HEMK2: variants seen among roughly 807,000 people sequenced by gnomAD.
HEMK2 encodes methyltransferase HEMK2.
At chr21:28,831,525 AGG>A in the HEMK2 span, among the ~76,000 whole-genome samples, 41 of 55,390 alleles carry the variant, frequency 7.4e-4, 1 homozygote, top group East Asian at 2.1e-3. Context: ...GAAAGAAAGA[AGG>A]AAAGAAGGAA....
the HEMK2 span, among the ~76,000 whole-genome samples, chr21:28,671,536 G>A: frequency 6.6e-6 from 1 of 152,180 alleles, no homozygotes; most frequent in Non-Finnish European, 1.5e-5. Flanking sequence ...TCTGGGACTA[G>A]AAGAAGTGAT....
the HEMK2 span, among the ~76,000 whole-genome samples, chr21:28,824,417 G>A: frequency 6.6e-6 from 1 of 152,170 alleles, no homozygotes; most frequent in African/African-American, 2.4e-5. Context: ...GTGTGTATGA[G>A]TTTGTTATTG....
At chr21:28,877,367 AGAAGG>A in the HEMK2 span, among the ~76,000 whole-genome samples, 1 of 146,748 alleles carries the variant, frequency 6.8e-6, no homozygotes, top group East Asian at 2.0e-4. Context: ...AAGAAAGAAG[AGAAGG>A]GAAGGGAAGA....
At chr21:28,830,888 A>G in the HEMK2 span, among the ~76,000 whole-genome samples, 1 of 2,504 alleles carries the variant, frequency 4.0e-4, no homozygotes, top group East Asian at 0.01. Context: ...AAAAAAAAAA[A>G]AAAAAAAGAA....
At chr21:28,831,959 T>C in the HEMK2 span, among the ~76,000 whole-genome samples, 1 of 152,182 alleles carries the variant, frequency 6.6e-6, no homozygotes, top group African/African-American at 2.4e-5. Flanking sequence ...TAAAATATCA[T>C]ATTTGTAGGA....
At chr21:28,761,518 C>T in the HEMK2 span, among the ~76,000 whole-genome samples, 1 of 151,778 alleles carries the variant, frequency 6.6e-6, no homozygotes. Flanking sequence ...GAAGTTTATT[C>T]CCTTGGTTAC....
chr21:28,710,083 C>A, the HEMK2 span, among the ~76,000 whole-genome samples: 1 of 152,176 alleles, frequency 6.6e-6, no homozygotes, highest in African/African-American at 2.4e-5. Context: ...CTTATGATTT[C>A]TGTTTTACCA....
At chr21:28,759,728 T>G in the HEMK2 span, among the ~76,000 whole-genome samples, 1 of 152,142 alleles carries the variant, frequency 6.6e-6, no homozygotes, top group Non-Finnish European at 1.5e-5. Flanking sequence ...TCTCATGAGA[T>G]CTGATGGTTT....
the HEMK2 span, among the ~76,000 whole-genome samples, chr21:28,706,389 C>T: frequency 6.6e-6 from 1 of 152,108 alleles, no homozygotes; most frequent in Non-Finnish European, 1.5e-5. Context: ...TGGTCCTTAT[C>T]GGGCCTCAAT....
chr21:28,873,543 A>C, the HEMK2 span: 1 of 152,234 alleles, frequency 6.6e-6, no homozygotes, highest in Non-Finnish European at 1.5e-5. Flanking sequence ...TTCATTCCTG[A>C]AAGGTCTGGA....
chr21:28,827,591 A>G, the HEMK2 span, among the ~76,000 whole-genome samples: 35 of 152,206 alleles, frequency 2.3e-4, no homozygotes, highest in Non-Finnish European at 2.4e-4. Context: ...GAAATGAATC[A>G]CAGTGGGATT....
At chr21:28,703,442 C>T in the HEMK2 span, among the ~76,000 whole-genome samples, 2 of 152,208 alleles carry the variant, frequency 1.3e-5, no homozygotes, top group South Asian at 4.1e-4. Flanking sequence ...GAGAATAAAG[C>T]CAACCTCATT....
the HEMK2 span, among the ~76,000 whole-genome samples, chr21:28,705,251 T>C: frequency 2.3e-3 from 356 of 152,292 alleles, 1 homozygote; most frequent in African/African-American, 8.1e-3. Flanking sequence ...TACATTGAAA[T>C]CTATATGTCT....
chr21:28,738,546 C>T, the HEMK2 span, among the ~76,000 whole-genome samples: 4 of 152,166 alleles, frequency 2.6e-5, no homozygotes, highest in Non-Finnish European at 5.9e-5. Flanking sequence ...TTGTAAACAC[C>T]GGCAGGGACA....
At chr21:28,719,924 T>C in the HEMK2 span, among the ~76,000 whole-genome samples, 4 of 152,226 alleles carry the variant, frequency 2.6e-5, no homozygotes, top group Admixed American at 6.5e-5. Flanking sequence ...TTGCCACATA[T>C]ATTCCCAGCT....
At chr21:28,876,142 G>T in the HEMK2 span, 1 of 294,700 alleles carries the variant, frequency 3.4e-6, no homozygotes, top group Non-Finnish European at 6.2e-6. Flanking sequence ...ACCACATAAT[G>T]CTGAAATAAA....
At chr21:28,671,778 G>A in the HEMK2 span, among the ~76,000 whole-genome samples, 2 of 151,996 alleles carry the variant, frequency 1.3e-5, no homozygotes, top group South Asian at 2.1e-4. Context: ...TACATCTGAC[G>A]GTTGCTTCCA....
At chr21:28,793,415 G>T in the HEMK2 span, among the ~76,000 whole-genome samples, 1 of 151,892 alleles carries the variant, frequency 6.6e-6, no homozygotes, top group Non-Finnish European at 1.5e-5. Context: ...ATATCCCCGG[G>T]ATAAATTATT....
the HEMK2 span, among the ~76,000 whole-genome samples, chr21:28,616,350 TA>T: frequency 6.6e-6 from 1 of 151,994 alleles, no homozygotes; most frequent in East Asian, 1.9e-4. Flanking sequence ...ATTGAAACAA[TA>T]AAAAAATTAT....
Sources: allele counts gnomAD v4.1 joint callset (sites outside exome capture counted in the v4.1 genomes callset), GRCh38; gene constraint gnomAD v4.1.1; transcripts MANE v1.5; gene names NCBI Gene and HGNC (gene_info 2026-07-23, HGNC 2026-07-21).